The following PAPLN variants were observed in gnomAD, a reference collection of about 807,000 sequenced individuals.
PAPLN encodes papilin.
A neutral mutation model predicts 159.0 loss-of-function variants in PAPLN; 146 were observed. The ratio of observed to expected loss-of-function variants is 0.92; its 90% CI spans 0.80 to 1.05. The LOEUF is 1.05. Ranked by LOEUF, PAPLN falls within the 50% of genes least tolerant of loss-of-function variation. The pLI is 0.00. For synonymous variants in PAPLN, 734 were observed against 702.9 expected, an observed-to-expected ratio of 1.04 and a Z score of -0.70; for missense variants, 1,720 against 1,743.9, an observed-to-expected ratio of 0.99 and a Z score of 0.24.
At chr14:73,237,958 C>T (rs1282579465) in intron 1 of PAPLN, among the ~76,000 whole-genome samples, 1 of 152,156 alleles carries the variant, frequency 6.6e-6, no homozygotes, top group African/African-American at 2.4e-5. Context: ...CACTGGGCCG[C>T]GGGCCTGGAG....
At chr14:73,272,179 G>A (rs1887796051) in intron 26 of PAPLN, 1 of 227,682 alleles carries the variant, frequency 4.4e-6, no homozygotes, top group Non-Finnish European at 8.5e-6. Flanking sequence ...CAAACATAAG[G>A]AGTTAACTTC....
intron 16 of PAPLN, among the ~76,000 whole-genome samples, chr14:73,260,287 G>C (rs189648567): frequency 6.6e-6 from 1 of 152,230 alleles, no homozygotes; most frequent in Admixed American, 6.5e-5. Context: ...ACCTTGCCTC[G>C]TGGCACCTGG....
intron 6 of PAPLN, among the ~76,000 whole-genome samples, chr14:73,250,632 C>T (rs867570838): frequency 2.2e-4 from 33 of 152,182 alleles, no homozygotes; most frequent in African/African-American, 7.5e-4. Context: ...CCAACCTCCC[C>T]AAACCCACAT....
At chr14:73,271,875 CT>C (rs1887766415) in intron 26 of PAPLN, among the ~76,000 whole-genome samples, 2 of 134,480 alleles carry the variant, frequency 1.5e-5, no homozygotes, top group African/African-American at 5.7e-5. Context: ...AAGGGCTTTG[CT>C]TTGTTCTCAG....
Position 73,261,305 on chromosome 14 carries a change from A to AC in PAPLN, c.2245+16dup. On this transcript the variant is annotated intron_variant, in intron 18 of 26. Coordinates refer to ENST00000644200, the MANE Select transcript of PAPLN (RefSeq NM_001365906.3). ...GCCAGCCCAGCCATGGTGAGTGGACACCCCCTCTCCTCCTTCTCGATGGGT... is the reference window on the plus strand; with the variant it reads ...GCCAGCCCAGCCATGGTGAGTGGACACCCCCCTCTCCTCCTTCTCGATGGGT... The AC allele has an allele frequency of 1.2e-6, 2 of 1,610,034 alleles. No homozygotes were observed. Among genetic ancestry groups the AC allele is most frequent in the South Asian group, 1.1e-5 (1 of 90,760 alleles).
At chr14:73,268,288 A>C in intron 25 of PAPLN, 1 of 379,650 alleles carries the variant, frequency 2.6e-6, no homozygotes, top group East Asian at 5.0e-5. Context: ...GCCTCCTGCT[A>C]TCTCACAGGC....
At chr14:73,269,967 C>T (rs1017552096) in intron 26 of PAPLN, among the ~76,000 whole-genome samples, 4 of 152,216 alleles carry the variant, frequency 2.6e-5, no homozygotes, top group Non-Finnish European at 4.4e-5. Flanking sequence ...ACTGACTTGT[C>T]GGCTTCCTGT....
intron 11 of PAPLN, among the ~76,000 whole-genome samples, chr14:73,253,546 G>A (rs977400337): frequency 6.6e-6 from 1 of 152,190 alleles, no homozygotes; most frequent in Non-Finnish European, 1.5e-5. Context: ...GCAGGGCCCC[G>A]AGTTGTGGGG....
Position 73,266,553 on chromosome 14 carries a change from G to T in PAPLN, c.3316G>T (p.Asp1106Tyr), listed in dbSNP as rs1230450625. The T allele has an allele frequency of 6.2e-7, 1 of 1,614,084 alleles. No individual in the cohort carries two copies. The highest frequency in any genetic ancestry group is 1.3e-5 in the African/African-American group (1 of 74,938). Residue 1106 changes from aspartate to tyrosine, a missense_variant, in exon 24 of 27, where the codon GAT (aspartate) becomes TAT (tyrosine). Coordinates refer to ENST00000644200, the MANE Select transcript of PAPLN (RefSeq NM_001365906.3). ...GGTCATTAGCCGAGTGGCTGTAGAA[G>T]ATGGCGGCTTCTACACCTGTGTCGC... ...SLVISRVAVE[D>Y]GGFYTCVAFN...
chr14:73,239,655 G>A, intron 1 of PAPLN, 118 bp from the exon 2 acceptor site: 1 of 1,465,900 alleles, frequency 6.8e-7, no homozygotes, highest in Non-Finnish European at 9.0e-7. Flanking sequence ...CGGCTGTCCT[G>A]TTGCGGGTCT....
rs565238053 is a variant in PAPLN at position 73,245,697 on chromosome 14, G to A, written c.231+1G>A. The A allele has an allele frequency of 7.1e-6, 11 of 1,547,588 alleles. No individual in the cohort carries two copies. Among genetic ancestry groups the A allele is most frequent in the South Asian group, 2.4e-5 (2 of 84,482 alleles). On this transcript the variant is annotated splice_donor_variant, in intron 4 of 26. Coordinates refer to ENST00000644200, the MANE Select transcript of PAPLN (RefSeq NM_001365906.3). LOFTEE classifies it high-confidence loss of function. This position sits in a 1 kb window ranked among gnomAD's most constrained non-coding sequence, Gnocchi z 4.2. ...GAGCCACCGCTCTTGTCGCACGGAGGTAAAGCTCACGGGGCGCGGGCGAAG... is the reference window on the plus strand; with the variant it reads ...GAGCCACCGCTCTTGTCGCACGGAGATAAAGCTCACGGGGCGCGGGCGAAG...
intron 14 of PAPLN, among the ~76,000 whole-genome samples, chr14:73,257,270 C>T (rs1207229341): frequency 2.0e-5 from 3 of 152,120 alleles, no homozygotes; most frequent in African/African-American, 7.2e-5. Flanking sequence ...CTGTGCCTGG[C>T]CCACTTATTT....
At chr14:73,266,863 C>A (rs1887264409) in intron 25 of PAPLN, 32 bp downstream of exon 25, 2 of 1,573,596 alleles carry the variant, frequency 1.3e-6, no homozygotes, top group South Asian at 1.2e-5. Flanking sequence ...GTCCCTGTCC[C>A]CAGACCTTCA....
At chr14:73,236,834 A>T (rs1157060402), upstream of PAPLN, among the ~76,000 whole-genome samples, 1 of 149,826 alleles carries the variant, frequency 6.7e-6, no homozygotes, top group Non-Finnish European at 1.5e-5. Flanking sequence ...AAAAAAGAAA[A>T]GGAGGGAGGA....
intron 16 of PAPLN, 32 bp downstream of exon 16, chr14:73,259,577 C>T (rs986249946): frequency 2.0e-6 from 3 of 1,474,422 alleles, no homozygotes; most frequent in African/African-American, 1.4e-5. Flanking sequence ...TCCTCCTCCC[C>T]CGTCAAAGAG....
Position 73,252,130 on chromosome 14 carries a change from A to G in PAPLN, c.956A>G (p.Glu319Gly). ...SHGSWSDCSA[E>G]CGGGHQSRLV... is the part of the protein sequence containing the mutation. ...GGCTCATGGAGTGACTGCAGCGCGG[A>G]GTGTGGCGGAGGTGCGGGCGTGGAT... The change falls in exon 10 of 27, where the codon GAG becomes GGG. Residue 319 changes from glutamate (E) to glycine (G), a missense_variant. Transcript: ENST00000644200. 1 of 1,604,372 alleles carries G rather than the reference A, an allele frequency of 6.2e-7. No homozygotes were observed. Among genetic ancestry groups the G allele is most frequent in the Non-Finnish European group, 8.5e-7 (1 of 1,175,600 alleles).
rs781770404 is a variant in PAPLN, at chr14:73,262,580, G to T, written c.2476G>T (p.Asp826Tyr). 2 of 1,563,162 alleles carry T rather than the reference G, an allele frequency of 1.3e-6. No individual in the cohort carries two copies. The highest frequency in any genetic ancestry group is 1.7e-6 in the Non-Finnish European group (2 of 1,152,620). ...GGCTTCTGGAAGGAGCACCCACACG[G>T]ATGGTGGCGGCAGCAGTCCTGCAGG... ...PGASGRSTHTDGGGSSPAGEQ... is the reference protein window; with the variant it reads ...PGASGRSTHTYGGGSSPAGEQ... The change falls in exon 19 of 27, where the codon GAT becomes TAT. Residue 826 changes from aspartate (D) to tyrosine (Y), a missense_variant. Transcript: ENST00000644200.
chr14:73,258,523 C>G (rs1014931238), intron 14 of PAPLN, among the ~76,000 whole-genome samples: 1 of 149,796 alleles, frequency 6.7e-6, no homozygotes, highest in African/African-American at 2.5e-5. Flanking sequence ...GTGGCTCACA[C>G]CCATAATCCC....
intron 5 of PAPLN, among the ~76,000 whole-genome samples, chr14:73,247,681 T>TC: frequency 7.4e-6 from 1 of 134,520 alleles, no homozygotes; most frequent in East Asian, 2.2e-4. Context: ...TGTGTGTGTG[T>TC]TGTGGGGATC....
Sources: allele counts gnomAD v4.1 joint callset (sites outside exome capture counted in the v4.1 genomes callset), GRCh38; gene constraint gnomAD v4.1.1; non-coding constraint Gnocchi (gnomAD v3.1); transcripts MANE v1.5; gene names NCBI Gene and HGNC (gene_info 2026-07-23, HGNC 2026-07-21).